The following ACACA variants were observed in gnomAD, a reference collection of about 807,000 sequenced individuals.
ACACA encodes the protein acetyl-CoA carboxylase alpha.
A neutral mutation model predicts 296.1 loss-of-function variants in ACACA; 103 were observed. The ratio of observed to expected loss-of-function variants is 0.35; its 90% CI spans 0.30 to 0.41. The LOEUF (loss-of-function observed/expected upper bound fraction) is 0.41, where lower values mean the gene tolerates loss of function less well. Ranked by LOEUF, ACACA falls within the 10% of genes least tolerant of loss-of-function variation. The pLI is 1.00. For synonymous variants in ACACA, 953 were observed against 1,038.6 expected (o/e 0.92, Z 1.58); for missense variants, 1,554 against 2,989.7 (o/e 0.52, Z 11.20).
At chr17:37,152,364 T>G (rs1463206036) in intron 43 of ACACA, among the ~76,000 whole-genome samples, 1 of 152,176 alleles carries the variant, frequency 6.6e-6, no homozygotes, top group African/African-American at 2.4e-5. Context: ...TTTTAGACAA[T>G]TTTACGTAGG....
rs991829827 is a variant in ACACA at position 37,151,364 on chromosome 17, T to G, written c.5505A>C (p.Arg1835=). The change falls in exon 44 of 56, where the codon CGA becomes CGC. Residue 1835 remains arginine, a synonymous_variant. Coordinates refer to ENST00000616317, the MANE Select transcript of ACACA (RefSeq NM_198834.3). ...ATTCTCCAGCAATCATTCCAGAACC[T>G]CGAAGGTTCTCGGGTCCAATTCCCT... ...KEEGIGPENL[R]GSGMIAGESS... The G allele has an allele frequency of 3.1e-6, 5 of 1,613,922 alleles. No homozygotes were observed. In the African/African-American group the frequency reaches 5.3e-5, roughly 17 times the overall value.
intron 41 of ACACA, among the ~76,000 whole-genome samples, chr17:37,164,869 C>T (rs1443831666): frequency 6.6e-6 from 1 of 152,190 alleles, no homozygotes; most frequent in African/African-American, 2.4e-5. Context: ...CCTGAAGAAT[C>T]TACTTCAGCA....
intron 25 of ACACA, 83 bp from the exon 26 acceptor site, chr17:37,226,535 G>A: frequency 8.3e-7 from 1 of 1,210,716 alleles, no homozygotes; most frequent in Non-Finnish European, 1.2e-6. Context: ...GAAAAGGAAT[G>A]AAAACAAAGT....
At chr17:37,219,416 T>C (rs978339701) in intron 29 of ACACA, among the ~76,000 whole-genome samples, 1 of 152,062 alleles carries the variant, frequency 6.6e-6, no homozygotes, top group African/African-American at 2.4e-5. Context: ...ATTATCAAAC[T>C]GAGAAAATTG....
At chr17:37,332,000 C>A (rs2047906988) in intron 2 of ACACA, among the ~76,000 whole-genome samples, 1 of 151,660 alleles carries the variant, frequency 6.6e-6, no homozygotes, top group African/African-American at 2.4e-5. Flanking sequence ...AATGTGCTGA[C>A]ACTGATATGA....
chr17:37,245,772 A>G (rs1299968185), intron 19 of ACACA, among the ~76,000 whole-genome samples: 1 of 152,150 alleles, frequency 6.6e-6, no homozygotes, highest in Non-Finnish European at 1.5e-5. Flanking sequence ...CAATCTTCCT[A>G]GACCCCAAAT....
chr17:37,406,609 C>G lies in ACACA; in HGVS notation c.-310G>C. The G allele has an allele frequency of 1.8e-6, 1 of 545,536 alleles. No homozygotes were observed. The highest frequency in any genetic ancestry group is 2.0e-5 in the South Asian group (1 of 48,846). 33.8% of individuals were successfully genotyped at this position (545,536 alleles called of 1,614,324 possible). ...CGCCTCACCGCACTCCGGAGGGGAC[C>G]AAACAGCCCCACGCGCCAGGAAGCC... On this transcript the variant is annotated 5_prime_UTR_variant, in exon 1 of 56. Coordinates refer to ENST00000616317, the MANE Select transcript of ACACA (RefSeq NM_198834.3).
rs2082031894 is a variant in ACACA at position 37,270,747 on chromosome 17, C to CT, written c.1119+3dup. Reference sequence around the variant, plus strand: ...CAAACAAACAAAAACAGCTTATACTCTACCTGTCTGAAGAGATTAGGGAAG... The same window carrying CT: ...CAAACAAACAAAAACAGCTTATACTCTTACCTGTCTGAAGAGATTAGGGAAG... On this transcript the variant is annotated splice_donor_region_variant and intron_variant, in intron 10 of 55. Coordinates refer to ENST00000616317, the MANE Select transcript of ACACA (RefSeq NM_198834.3). 6.2e-7 allele frequency: 1 copy of CT among 1,605,160 alleles called. No individual in the cohort carries two copies. Among genetic ancestry groups the CT allele is most frequent in the African/African-American group, 1.3e-5 (1 of 74,754 alleles).
At chr17:37,281,027 C>T (rs2082499769) in intron 5 of ACACA, among the ~76,000 whole-genome samples, 1 of 151,204 alleles carries the variant, frequency 6.6e-6, no homozygotes, top group African/African-American at 2.4e-5. Context: ...CTTGGTTAGA[C>T]ATAATCTCTT....
At chr17:37,155,924 C>G in intron 42 of ACACA, 144 bp from the exon 43 acceptor site, 1 of 656,058 alleles carries the variant, frequency 1.5e-6, no homozygotes, top group Admixed American at 2.3e-5. Flanking sequence ...TAACAGAATA[C>G]TAGCACAGAC....
At chr17:37,296,132 G>A (rs1344881644) in intron 3 of ACACA, among the ~76,000 whole-genome samples, 1 of 151,980 alleles carries the variant, frequency 6.6e-6, no homozygotes, top group Non-Finnish European at 1.5e-5. Flanking sequence ...TTTATTCAGT[G>A]TATATCCTAT....
At chr17:37,342,782 C>CA (rs771358364) in intron 1 of ACACA, among the ~76,000 whole-genome samples, 1,532 of 137,370 alleles carry the variant, frequency 0.011, 32 homozygotes, top group African/African-American at 0.036. Context: ...CCATCTCTAC[C>CA]AAAAAAAAAA....
intron 29 of ACACA, among the ~76,000 whole-genome samples, chr17:37,219,405 A>G (rs1054834640): frequency 1.3e-5 from 2 of 152,090 alleles, no homozygotes; most frequent in Non-Finnish European, 1.5e-5. Flanking sequence ...GTTCTGAGGG[A>G]ATTATCAAAC....
At chr17:37,199,286 C>A (rs569277346) in intron 35 of ACACA, among the ~76,000 whole-genome samples, 1 of 147,748 alleles carries the variant, frequency 6.8e-6, no homozygotes, top group East Asian at 2.4e-4. Flanking sequence ...TCTTAACATC[C>A]TCTAGAATCT....
chr17:37,270,496 T>C (rs1057069964), intron 10 of ACACA, among the ~76,000 whole-genome samples: 2 of 152,214 alleles, frequency 1.3e-5, no homozygotes, highest in Non-Finnish European at 2.9e-5. Flanking sequence ...TCTGACAAAC[T>C]GAGCACGTTT....
At chr17:37,260,331 G>A (rs1022630481) in intron 11 of ACACA, among the ~76,000 whole-genome samples, 3 of 103,962 alleles carry the variant, frequency 2.9e-5, no homozygotes, top group African/African-American at 1.2e-4. Context: ...ATGGAGTCTC[G>A]CTTTGTCACC....
At position 37,330,888 on chromosome 17, in the gene ACACA, T is replaced by C. The variant is rs775172234; in HGVS notation, c.86-463A>G. Among the ~76,000 whole-genome samples the C allele has an allele frequency of 5.0e-4, 76 of 152,208 alleles. 1 individual carries two copies. The Middle Eastern group carries it at 0.017, about 34-fold the overall frequency. On this transcript the variant is annotated intron_variant, in intron 2 of 55. Coordinates refer to ENST00000616317, the MANE Select transcript of ACACA (RefSeq NM_198834.3). ...TGCTCATCTGGCTTCAAACACTATATATTGAGAGGCTATAACTTTTATTTT... is the reference window on the plus strand; with the variant it reads ...TGCTCATCTGGCTTCAAACACTATACATTGAGAGGCTATAACTTTTATTTT...
At chr17:37,254,508 T>A (rs1227580956) in intron 14 of ACACA, among the ~76,000 whole-genome samples, 1 of 152,212 alleles carries the variant, frequency 6.6e-6, no homozygotes, top group Non-Finnish European at 1.5e-5. Context: ...CTCATCTGTA[T>A]GATCCTATAA....
intron 44 of ACACA, among the ~76,000 whole-genome samples, chr17:37,150,535 C>G (rs2075993571): frequency 7.4e-6 from 1 of 135,680 alleles, no homozygotes. Flanking sequence ...GAGTGAGACT[C>G]TGTCTCAAAA....
Sources: allele counts gnomAD v4.1 joint callset (sites outside exome capture counted in the v4.1 genomes callset), GRCh38; gene constraint gnomAD v4.1.1; transcripts MANE v1.5; gene names NCBI Gene and HGNC (gene_info 2026-07-23, HGNC 2026-07-21).